The following RELN variants were observed in gnomAD, a reference collection of about 807,000 sequenced individuals.
RELN encodes the protein reelin.
Under a neutral mutation model 427.6 loss-of-function variants are expected in RELN, and 108 were observed. The ratio of observed to expected loss-of-function variants is 0.25; its 90% CI spans 0.22 to 0.30. The LOEUF is 0.30. Ranked by LOEUF, RELN falls within the 10% of genes least tolerant of loss-of-function variation. RELN has a pLI of 1.00. For synonymous variants in RELN, 1,524 were observed against 1,513.4 expected (o/e 1.01, Z -0.16); for missense variants, 3,715 against 4,302.8 (o/e 0.86, Z 3.82).
intron 3 of RELN, among the ~76,000 whole-genome samples, chr7:103,797,265 G>A (rs1294426655): frequency 6.6e-6 from 1 of 152,040 alleles, no homozygotes; most frequent in Non-Finnish European, 1.5e-5. Context: ...ACCATGCCCA[G>A]CTGATTTTTG....
rs2285335 is a variant in RELN at position 103,749,536 on chromosome 7, A to G, written c.578-32T>C. On this transcript the variant is annotated intron_variant, in intron 5 of 64. Transcript: ENST00000428762. ...GAAAAAGGAAGTATTTAGGAAAGAA[A>G]TATACTACAACAGTACATTTAGCTA... is the stretch of plus-strand genomic sequence containing the variant. The G allele has an allele frequency of 1.2e-3, 1,706 of 1,455,392 alleles. 27 individuals carry two copies. The East Asian group carries it at 0.012, about 10-fold the overall frequency. 90.2% of individuals were successfully genotyped at this position (1,455,392 alleles called of 1,614,324 possible). A position where few individuals can be genotyped will look rare whatever the true frequency, so the allele number is the denominator to read the frequency against.
At chr7:103,613,328 A>G (rs768406691) in intron 20 of RELN, among the ~76,000 whole-genome samples, 1 of 152,240 alleles carries the variant, frequency 6.6e-6, no homozygotes, top group African/African-American at 2.4e-5. Flanking sequence ...TTTTGTTTAC[A>G]GTGAATTTAC....
chr7:103,710,630 A>T (rs1264335183), intron 8 of RELN, among the ~76,000 whole-genome samples: 2 of 152,270 alleles, frequency 1.3e-5, no homozygotes, highest in Non-Finnish European at 2.9e-5. Flanking sequence ...GACATGATCA[A>T]TAAGGAGTTG....
chr7:103,859,832 G>T (rs146773376), intron 2 of RELN, among the ~76,000 whole-genome samples: 1,584 of 152,184 alleles, frequency 0.01, 30 homozygotes, highest in African/African-American at 0.036. Flanking sequence ...ATAGAACACA[G>T]TAAGAAAGGT....
At position 103,968,797 on chromosome 7, in the gene RELN, C is replaced by T. The variant is rs553453935; in HGVS notation, c.226+20334G>A. Among the ~76,000 whole-genome samples, 1 of 152,122 alleles carries T rather than the reference C, an allele frequency of 6.6e-6. No individual in the cohort carries two copies. Among genetic ancestry groups the T allele is most frequent in the Non-Finnish European group, 1.5e-5 (1 of 67,996 alleles). On this transcript the variant is annotated intron_variant, in intron 1 of 64. Coordinates refer to ENST00000428762, the MANE Select transcript of RELN (RefSeq NM_005045.4). This position sits in a 1 kb window ranked among gnomAD's most constrained non-coding sequence, Gnocchi z 4.3. ...TGTCAAATTTACCATTGACATTCTG[C>T]CTAACAACAACAAAAACAATTACAG...
intron 16 of RELN, among the ~76,000 whole-genome samples, chr7:103,641,015 G>C (rs1455107688): frequency 6.6e-6 from 1 of 151,978 alleles, no homozygotes; most frequent in Admixed American, 6.6e-5. Context: ...TTCTATCAGG[G>C]GAAAATCTAT....
At chr7:103,816,402 T>TA (rs1792870270) in intron 3 of RELN, among the ~76,000 whole-genome samples, 1 of 152,098 alleles carries the variant, frequency 6.6e-6, no homozygotes, top group Non-Finnish European at 1.5e-5. Flanking sequence ...TGCATTACAT[T>TA]AAAAAATGTC....
In RELN at chr7:103,483,675, T is replaced by C; in HGVS notation, c.10159A>G (p.Arg3387Gly). The C allele has an allele frequency of 6.2e-7, 1 of 1,614,172 alleles. No individual in the cohort carries two copies. The highest frequency in any genetic ancestry group is 8.5e-7 in the Non-Finnish European group (1 of 1,180,022). ...TACAGGGGGACATTGTAAGACACTC[T>C]CTGAGCTTGTGTGAAGTCCTTTGGC... is the stretch of plus-strand genomic sequence containing the variant. ...HQPKDFTQAQ[R>G]VSYNVPLEAR... is the part of the protein sequence containing the mutation. The change falls in exon 62 of 65, where the codon AGA becomes GGA. Residue 3387 changes from arginine to glycine, a missense_variant. Physicochemically the swap from Arg to Gly is moderately radical, Grantham distance 125 (BLOSUM62 -2). Coordinates refer to ENST00000428762, the MANE Select transcript of RELN (RefSeq NM_005045.4).
intron 7 of RELN, among the ~76,000 whole-genome samples, chr7:103,724,182 TC>T (rs1374689659): frequency 2.7e-5 from 4 of 150,664 alleles, no homozygotes; most frequent in Non-Finnish European, 3.0e-5. Flanking sequence ...CTTTTTTTTT[TC>T]GTTGTTTTGT....
chr7:103,553,336 C>G, intron 40 of RELN, 125 bp downstream of exon 40: 1 of 722,686 alleles, frequency 1.4e-6, no homozygotes, highest in Non-Finnish European at 2.4e-6. Flanking sequence ...ATGCCAAAAT[C>G]TCTTACATCC....
rs112791313 is a variant in RELN at position 103,828,083 on chromosome 7, C to T, written c.473+5454G>A. On this transcript the variant is annotated intron_variant, in intron 3 of 64. Transcript: ENST00000428762. ...TATTTCAAATGTTTAAGTAACAAGG[C>T]AAATACATCTGTGATGTGTCCGTCT... is the stretch of plus-strand genomic sequence containing the variant. 4.2e-3 allele frequency among the ~76,000 whole-genome samples: 640 copies of T among 152,040 alleles called. 7 individuals are homozygous for T. Among genetic ancestry groups the T allele is most frequent in the African/African-American group, 0.015 (615 of 41,522 alleles).
intron 4 of RELN, among the ~76,000 whole-genome samples, chr7:103,770,040 C>T (rs1438717847): frequency 6.6e-6 from 1 of 152,016 alleles, no homozygotes; most frequent in East Asian, 1.9e-4. Context: ...TTAAACCCTA[C>T]CCCAGTCACC....
At chr7:103,661,655 G>A in intron 11 of RELN, 128 bp from the exon 12 acceptor site, 1 of 884,560 alleles carries the variant, frequency 1.1e-6, no homozygotes, top group South Asian at 1.5e-5. Flanking sequence ...ATAAAGATAT[G>A]GCACTTTATT....
chr7:103,675,801 T>C, intron 11 of RELN, among the ~76,000 whole-genome samples: 1 of 152,196 alleles, frequency 6.6e-6, no homozygotes, highest in Non-Finnish European at 1.5e-5. Context: ...GATTCCCTAT[T>C]TAATAAACGG....
intron 3 of RELN, among the ~76,000 whole-genome samples, chr7:103,828,247 A>G (rs1281160109): frequency 5.3e-5 from 8 of 152,030 alleles, no homozygotes; most frequent in African/African-American, 1.7e-4. Context: ...CTGTATTATT[A>G]TTTTGAGCCT....
chr7:103,895,791 T>A (rs962394666), intron 2 of RELN, among the ~76,000 whole-genome samples: 10 of 151,994 alleles, frequency 6.6e-5, no homozygotes, highest in African/African-American at 2.4e-4. Context: ...AGATAGGCAA[T>A]GGCTTACTAG....
At position 103,522,136 on chromosome 7, in the gene RELN, G is replaced by T; in HGVS notation, c.7554C>A (p.Leu2518=). Residue 2518 remains leucine, a synonymous_variant, in exon 48 of 65, where the codon CTC becomes CTA. Coordinates refer to ENST00000428762, the MANE Select transcript of RELN (RefSeq NM_005045.4). ...ATGGAGCTCGATTGAAGTTGTCTTT[G>T]AGTTGGGTTGGAAGAGAGGTCTCGG... ...DDPETSLPTQ[L]KDNFNRAPSS... 6.2e-7 allele frequency: 1 copy of T among 1,614,082 alleles called. No individual in the cohort carries two copies. The highest frequency in any genetic ancestry group is 1.1e-5 in the South Asian group (1 of 91,054).
Position 103,472,708 on chromosome 7 carries a change from A to T in RELN, c.*104T>A, listed in dbSNP as rs1827895371. 2 of 920,990 alleles carry T rather than the reference A, an allele frequency of 2.2e-6. No individual in the cohort carries two copies. Among genetic ancestry groups the T allele is most frequent in the Admixed American group, 3.9e-5 (2 of 51,190 alleles). The allele number at this position is 920,990 out of a possible 1,614,324, so 57.1% of individuals were successfully genotyped here. ...GAGAAGGGCTTTCAGGTAATCACCA[A>T]GTCCTTCACAGATATTTCCTGATAT... On this transcript the variant is annotated 3_prime_UTR_variant, in exon 65 of 65. Coordinates refer to ENST00000428762, the MANE Select transcript of RELN (RefSeq NM_005045.4).
intron 2 of RELN, among the ~76,000 whole-genome samples, chr7:103,915,828 G>A (rs913826982): frequency 2.6e-5 from 4 of 152,144 alleles, no homozygotes; most frequent in Non-Finnish European, 5.9e-5. Flanking sequence ...GAATCCTGCT[G>A]TAACAAAACA....
Sources: gnomAD v4.1 joint callset for allele counts (sites outside exome capture counted in the v4.1 genomes callset) on GRCh38, gnomAD v4.1.1 for gene constraint, Gnocchi (gnomAD v3.1) non-coding constraint, MANE v1.5 for transcripts, NCBI Gene and HGNC (gene_info 2026-07-23, HGNC 2026-07-21) for gene names.